Variants in ATF6 observed in about 807,000 individuals in gnomAD.
ATF6 encodes activating transcription factor 6.
In ATF6, 53 loss-of-function variants were observed where a neutral mutation model predicts 83.6. The ratio of observed to expected loss-of-function variants is 0.63; its 90% CI spans 0.51 to 0.80. The LOEUF (loss-of-function observed/expected upper bound fraction) is 0.80. ATF6 is among the 30% of genes least tolerant of loss of function. The pLI is 0.00. For synonymous variants in ATF6, 288 were observed against 285.8 expected, an observed-to-expected ratio of 1.01 and a Z score of -0.08; for missense variants, 744 against 797.9, an observed-to-expected ratio of 0.93 and a Z score of 0.81.
At chr1:161,823,209 G>A (rs190776861) in intron 9 of ATF6, among the ~76,000 whole-genome samples, 53 of 151,610 alleles carry the variant, frequency 3.5e-4, no homozygotes, top group Non-Finnish European at 6.8e-4. Context: ...ATAATAAACC[G>A]TAAACCATTA....
intron 9 of ATF6, among the ~76,000 whole-genome samples, chr1:161,832,982 C>G (rs1009947894): frequency 3.3e-5 from 5 of 152,222 alleles, no homozygotes; most frequent in African/African-American, 1.2e-4. Context: ...AACCCCCGAG[C>G]AGCCTAACTG....
chr1:161,841,767 C>T (rs1686363728), intron 9 of ATF6, among the ~76,000 whole-genome samples: 2 of 152,236 alleles, frequency 1.3e-5, no homozygotes, highest in South Asian at 4.1e-4. Flanking sequence ...ATTGTCATTA[C>T]AATGTGATAA....
chr1:161,791,336 G>C, intron 4 of ATF6, 72 bp from the exon 5 acceptor site: 5 of 1,351,108 alleles, frequency 3.7e-6, no homozygotes, highest in Non-Finnish European at 5.0e-6. Flanking sequence ...TTATATGTGG[G>C]TCTCCTCCTT....
intron 4 of ATF6, among the ~76,000 whole-genome samples, chr1:161,790,797 T>A (rs1292083079): frequency 1.4e-5 from 2 of 140,502 alleles, no homozygotes; most frequent in Non-Finnish European, 3.1e-5. Context: ...GGCAACAGAG[T>A]GAGACTCTGT....
chr1:161,795,515 A>G (rs927482793), intron 6 of ATF6, among the ~76,000 whole-genome samples: 5 of 152,260 alleles, frequency 3.3e-5, no homozygotes, highest in African/African-American at 1.2e-4. Context: ...ATGCTGTTTC[A>G]GACAAAGTAG....
At chr1:161,939,197 G>A (rs533245291) in intron 15 of ATF6, among the ~76,000 whole-genome samples, 15 of 152,124 alleles carry the variant, frequency 9.9e-5, no homozygotes, top group Admixed American at 4.6e-4. Context: ...GTCTGGTTTT[G>A]TTTTTCATCT....
At chr1:161,846,298 A>G in intron 9 of ATF6, 151 bp from the exon 10 acceptor site, 1 of 741,540 alleles carries the variant, frequency 1.3e-6, no homozygotes, top group South Asian at 2.1e-5. Flanking sequence ...GAACACCTTC[A>G]GTACCCTATT....
At chr1:161,783,029 CTGGGG>C (rs1684672230) in intron 3 of ATF6, among the ~76,000 whole-genome samples, 1 of 152,026 alleles carries the variant, frequency 6.6e-6, no homozygotes, top group African/African-American at 2.4e-5. Context: ...TGTGTGGCAC[CTGGGG>C]TGGAATGACT....
intron 1 of ATF6, among the ~76,000 whole-genome samples, chr1:161,773,458 G>T (rs1011196394): frequency 2.6e-5 from 4 of 151,972 alleles, no homozygotes; most frequent in Non-Finnish European, 5.9e-5. Context: ...TAGAGATGGG[G>T]TTTCACCATG....
chr1:161,895,043 C>T lies in ATF6; in HGVS notation c.1720-17253C>T, dbSNP rs541981866. 2.0e-5 allele frequency among the ~76,000 whole-genome samples: 3 copies of T among 152,158 alleles called. No homozygotes were observed. The South Asian group carries it at 6.2e-4, about 32-fold the overall frequency. On this transcript the variant is annotated intron_variant, in intron 14 of 15. Transcript: ENST00000367942. ...CACTTGAAGTCAGTTCAAGAACAGC[C>T]TGGCCAACATAGTGAAACCCTGTCT...
chr1:161,784,850 G>T (rs1262185048), intron 4 of ATF6, among the ~76,000 whole-genome samples: 2 of 152,138 alleles, frequency 1.3e-5, no homozygotes, highest in East Asian at 1.9e-4. Flanking sequence ...AAGTCAATAG[G>T]ATTTTAACTG....
intron 1 of ATF6, among the ~76,000 whole-genome samples, chr1:161,769,464 T>G (rs1489561624): frequency 6.6e-6 from 1 of 152,152 alleles, no homozygotes; most frequent in African/African-American, 2.4e-5. Context: ...ATGGCAGGGA[T>G]CCCCAGCCTT....
At chr1:161,882,926 T>C (rs1687348478) in intron 14 of ATF6, among the ~76,000 whole-genome samples, 1 of 151,912 alleles carries the variant, frequency 6.6e-6, no homozygotes, top group African/African-American at 2.4e-5. Context: ...CATCAGGGGA[T>C]TGACCTTGGA....
chr1:161,815,898 C>G lies in ATF6; in HGVS notation c.910-3735C>G, dbSNP rs954509215. Among the ~76,000 whole-genome samples the G allele has an allele frequency of 4.6e-5, 7 of 152,116 alleles. No individual in the cohort carries two copies. In the East Asian group the frequency reaches 1.4e-3, roughly 29 times the overall value. On this transcript the variant is annotated intron_variant, in intron 7 of 15. Transcript: ENST00000367942. The stretch of plus-strand genomic sequence containing the variant: ...GAGGCTGCAGTAAGCTGCAATTGTG[C>G]CACTGCACTCCAGCCTGGGTGACAG...
chr1:161,845,170 G>A (rs949739025), intron 9 of ATF6, among the ~76,000 whole-genome samples: 3 of 152,142 alleles, frequency 2.0e-5, no homozygotes, highest in African/African-American at 7.2e-5. Context: ...AGAGAGGTGT[G>A]TCTGCTCCCC....
At chr1:161,896,740 T>G (rs895603365) in intron 14 of ATF6, among the ~76,000 whole-genome samples, 4 of 152,228 alleles carry the variant, frequency 2.6e-5, no homozygotes, top group African/African-American at 9.6e-5. Context: ...ATAATATTGC[T>G]TTGAAAGTGT....
chr1:161,811,854 C>T (rs919829350), intron 7 of ATF6, among the ~76,000 whole-genome samples: 1 of 152,092 alleles, frequency 6.6e-6, no homozygotes, highest in East Asian at 1.9e-4. Context: ...AGTATTTTAC[C>T]CCTAATTTTT....
At chr1:161,853,456 G>T in intron 12 of ATF6, 133 bp downstream of exon 12, 1 of 696,324 alleles carries the variant, frequency 1.4e-6, no homozygotes, top group Non-Finnish European at 2.5e-6. Flanking sequence ...TGCTGCTTCC[G>T]ATGCAGCTAT....
At chr1:161,824,261 C>T (rs1321890936) in intron 9 of ATF6, among the ~76,000 whole-genome samples, 3 of 151,976 alleles carry the variant, frequency 2.0e-5, no homozygotes, top group African/African-American at 2.4e-5. Context: ...TTCCCACTGC[C>T]GGCAGTGCCC....
Sources: gnomAD v4.1 joint callset for allele counts (sites outside exome capture counted in the v4.1 genomes callset) on GRCh38, gnomAD v4.1.1 for gene constraint, MANE v1.5 for transcripts, NCBI Gene and HGNC (gene_info 2026-07-23, HGNC 2026-07-21) for gene names.